The following RFFL variants were observed in gnomAD, a reference collection of about 807,000 sequenced individuals.
RFFL encodes the protein ring finger and FYVE like domain containing E3 ubiquitin protein ligase, also known as E3 ubiquitin-protein ligase rififylin.
Under a neutral mutation model 40.4 loss-of-function variants are expected in RFFL, and 16 were observed. That is an observed-to-expected ratio of 0.40 (90% CI 0.27 to 0.60). The LOEUF is 0.60. Ranked by LOEUF, RFFL falls within the 20% of genes least tolerant of loss-of-function variation. The probability of loss-of-function intolerance (pLI) is 0.47; values close to 1 mark genes in which losing one functional copy is unlikely to be tolerated. For synonymous variants in RFFL, 154 were observed against 167.9 expected, an observed-to-expected ratio of 0.92 and a Z score of 0.64; for missense variants, 367 against 451.7, an observed-to-expected ratio of 0.81 and a Z score of 1.70.
At chr17:35,021,895 C>G (rs2091011559) in intron 2 of RFFL, 114 bp from the exon 3 acceptor site, 1 of 1,014,524 alleles carries the variant, frequency 9.9e-7, no homozygotes. Context: ...GTCACTCTTA[C>G]TTTTACTAAG....
At chr17:35,022,594 T>C (rs1351151485) in intron 2 of RFFL, among the ~76,000 whole-genome samples, 1 of 152,188 alleles carries the variant, frequency 6.6e-6, no homozygotes, top group Non-Finnish European at 1.5e-5. Context: ...TCAAGGTCTG[T>C]TGGAGGCTAA....
intron 1 of RFFL, among the ~76,000 whole-genome samples, chr17:35,039,218 T>A (rs1030440886): frequency 2.6e-5 from 4 of 151,690 alleles, no homozygotes; most frequent in East Asian, 1.9e-4. Context: ...ATATGACAGA[T>A]TTTTTTCTTT....
intron 1 of RFFL, among the ~76,000 whole-genome samples, chr17:35,087,688 A>C (rs1567720558): frequency 6.6e-6 from 1 of 152,214 alleles, no homozygotes; most frequent in Non-Finnish European, 1.5e-5. Context: ...CTGCCACATC[A>C]ATCTGCAATT....
intron 1 of RFFL, among the ~76,000 whole-genome samples, chr17:35,043,913 T>A (rs1156835271): frequency 6.6e-6 from 1 of 152,146 alleles, no homozygotes; most frequent in African/African-American, 2.4e-5. Context: ...AATTTATACA[T>A]CCCATAAGTC....
rs971120937 is a variant in RFFL at position 35,009,685 on chromosome 17, C to A, written c.*2283G>T. 1.3e-5 allele frequency: 2 copies of A among 151,998 alleles called. No homozygotes were observed. The highest frequency in any genetic ancestry group is 4.8e-5 in the African/African-American group (2 of 41,366). The allele number at this position is 151,998 out of a possible 1,614,324, so 9.4% of individuals were successfully genotyped here. ...ATTTAAAGGCAAAATGAGTAAACAA[C>A]CTCAGTTTTAATTCTTACTGAGGTT... On this transcript the variant is annotated 3_prime_UTR_variant, in exon 7 of 7. Coordinates refer to ENST00000394597, the MANE Select transcript of RFFL (RefSeq NM_001017368.2).
At chr17:35,068,018 G>T (rs960027283), upstream of RFFL, among the ~76,000 whole-genome samples, 1 of 151,880 alleles carries the variant, frequency 6.6e-6, no homozygotes, top group African/African-American at 2.4e-5. Context: ...CTACCATTAA[G>T]GATTTCACCT....
At chr17:35,018,604 A>C (rs929057978) in intron 3 of RFFL, 4 of 152,308 alleles carry the variant, frequency 2.6e-5, no homozygotes, top group South Asian at 4.1e-4. Context: ...GAAACCAAAG[A>C]CACCCACCGA....
intron 1 of RFFL, among the ~76,000 whole-genome samples, chr17:35,072,092 G>A (rs556627170): frequency 5.3e-5 from 8 of 152,092 alleles, no homozygotes; most frequent in Non-Finnish European, 8.8e-5. Context: ...ACCAGCCTGG[G>A]CAACATGGTG....
chr17:35,054,139 C>T (rs891520036), intron 1 of RFFL, among the ~76,000 whole-genome samples: 1 of 152,192 alleles, frequency 6.6e-6, no homozygotes, highest in Non-Finnish European at 1.5e-5. Context: ...CCATACTTCT[C>T]CACCTTCCAC....
At chr17:35,069,041 A>G (rs2091334086) in intron 1 of RFFL, among the ~76,000 whole-genome samples, 1 of 152,190 alleles carries the variant, frequency 6.6e-6, no homozygotes, top group Non-Finnish European at 1.5e-5. Context: ...TAATGAAGTG[A>G]CTTAGCAGGC....
intron 1 of RFFL, among the ~76,000 whole-genome samples, chr17:35,060,546 C>T (rs551152239): frequency 4.6e-5 from 7 of 152,186 alleles, no homozygotes; most frequent in Non-Finnish European, 5.9e-5. Flanking sequence ...GCCTACCCAA[C>T]GCAAATAAAA....
rs111573820 is a variant in RFFL, at chr17:35,027,341, G to A, written c.-8-780C>T. Among the ~76,000 whole-genome samples, 722 of 152,244 alleles carry A rather than the reference G, an allele frequency of 4.7e-3. 8 individuals are homozygous for A. Among genetic ancestry groups the A allele is most frequent in the African/African-American group, 0.017 (686 of 41,524 alleles). ...AGGGCAGGGGATATTTATTCATTAT[G>A]TACAGTACTGTTCCCTAGCACTGTT... On this transcript the variant is annotated intron_variant, in intron 1 of 6. Transcript: ENST00000394597.
At chr17:35,080,221 A>G (rs2091397262) in intron 1 of RFFL, among the ~76,000 whole-genome samples, 1 of 152,208 alleles carries the variant, frequency 6.6e-6, no homozygotes, top group African/African-American at 2.4e-5. Context: ...AGTATAGTTA[A>G]GATGGTACAA....
chr17:35,046,089 G>T (rs983615315), intron 1 of RFFL, among the ~76,000 whole-genome samples: 1 of 151,134 alleles, frequency 6.6e-6, no homozygotes, highest in African/African-American at 2.4e-5. Context: ...GTAAATTAAG[G>T]ATTTTAAACA....
intron 1 of RFFL, among the ~76,000 whole-genome samples, chr17:35,085,280 T>C (rs548419080): frequency 2.8e-4 from 43 of 152,362 alleles, no homozygotes; most frequent in Admixed American, 1.8e-3. Flanking sequence ...ACCACTAGGT[T>C]ATCATTTACT....
At chr17:35,057,176 C>T (rs112123574) in intron 1 of RFFL, among the ~76,000 whole-genome samples, 1,882 of 152,252 alleles carry the variant, frequency 0.012, 13 homozygotes, top group Non-Finnish European at 0.02. Context: ...GCCTCAGCCT[C>T]CCAAAGTGCT....
At chr17:35,013,485 C>T (rs531221954) in intron 6 of RFFL, among the ~76,000 whole-genome samples, 21 of 152,338 alleles carry the variant, frequency 1.4e-4, no homozygotes, top group African/African-American at 5.1e-4. Context: ...ACTGATCTCA[C>T]AGAAGTCACC....
chr17:35,039,383 C>T (rs1002772358), intron 1 of RFFL, among the ~76,000 whole-genome samples: 2 of 151,892 alleles, frequency 1.3e-5, no homozygotes, highest in Non-Finnish European at 2.9e-5. Context: ...TCACACCCAG[C>T]TAATTTTTGT....
At chr17:35,044,621 A>G (rs1216466880) in intron 1 of RFFL, among the ~76,000 whole-genome samples, 1 of 152,206 alleles carries the variant, frequency 6.6e-6, no homozygotes, top group East Asian at 1.9e-4. Flanking sequence ...CTCAAAAAAA[A>G]TAAAGTAAGT....
Sources: allele counts gnomAD v4.1 joint callset (sites outside exome capture counted in the v4.1 genomes callset), GRCh38; gene constraint gnomAD v4.1.1; transcripts MANE v1.5; gene names NCBI Gene and HGNC (gene_info 2026-07-23, HGNC 2026-07-21).